Variants in ADGRG7 observed in about 807,000 individuals in gnomAD.
ADGRG7 encodes G-protein coupled receptor 128.
In ADGRG7, 82 loss-of-function variants were observed where a neutral mutation model predicts 88.6. That is an observed-to-expected ratio of 0.93 (90% CI 0.77 to 1.11). ADGRG7 has a LOEUF of 1.11. ADGRG7 is among the 50% of genes most tolerant of loss of function. The pLI is 0.00. For missense variants in ADGRG7, 945 were observed against 953.4 expected, an observed-to-expected ratio of 0.99 and a Z score of 0.12; for synonymous variants, 381 against 345.2, an observed-to-expected ratio of 1.10 and a Z score of -1.15.
chr3:100,673,467 C>CTT (rs34998185), intron 15 of ADGRG7, among the ~76,000 whole-genome samples: 17 of 136,698 alleles, frequency 1.2e-4, no homozygotes, highest in Non-Finnish European at 1.6e-4. Flanking sequence ...TTTTCTTCTT[C>CTT]TTTTTTTTTT....
intron 6 of ADGRG7, among the ~76,000 whole-genome samples, chr3:100,642,719 A>G (rs184209957): frequency 1.5e-3 from 233 of 152,370 alleles, no homozygotes; most frequent in African/African-American, 5.1e-3. Context: ...CAAAGTAGAA[A>G]AGAACATTGT....
At chr3:100,645,763 C>T (rs1030798022) in intron 8 of ADGRG7, among the ~76,000 whole-genome samples, 182 bp from the exon 9 acceptor site, 1 of 151,952 alleles carries the variant, frequency 6.6e-6, no homozygotes, top group South Asian at 2.1e-4. Flanking sequence ...GTGGAATGGC[C>T]CGCCATAGGT....
intron 4 of ADGRG7, among the ~76,000 whole-genome samples, chr3:100,634,829 C>T (rs1252517337): frequency 6.6e-6 from 1 of 152,188 alleles, no homozygotes; most frequent in Non-Finnish European, 1.5e-5. Context: ...TGTGATAACA[C>T]CTGTAAACAT....
rs768615943 is a variant in ADGRG7, at chr3:100,669,054, T to TAG, written c.2086_2087dup (p.Ser696ArgfsTer41). On this transcript the variant is annotated frameshift_variant, in exon 15 of 16. Coordinates refer to ENST00000273352, the MANE Select transcript of ADGRG7 (RefSeq NM_032787.3). LOFTEE classifies it high-confidence loss of function. ...CATACCTGATGCTAGTTAATGATGA[T>TAG]AGCATCAGGATCGTCTTCAGCTACA... The TAG allele has an allele frequency of 1.6e-5, 26 of 1,604,244 alleles. No individual in the cohort carries two copies. Among genetic ancestry groups the TAG allele is most frequent in the Non-Finnish European group, 2.1e-5 (25 of 1,175,744 alleles).
chr3:100,618,854 G>A (rs1490432194), intron 1 of ADGRG7, among the ~76,000 whole-genome samples: 2 of 152,118 alleles, frequency 1.3e-5, no homozygotes, highest in African/African-American at 2.4e-5. Flanking sequence ...CATGAGCATG[G>A]AATGTTCTTC....
rs112823994 is a variant in ADGRG7, at chr3:100,623,751, T to G, written c.116-5847T>G. On this transcript the variant is annotated intron_variant, in intron 1 of 15. Transcript: ENST00000273352. Reference sequence around the variant, plus strand: ...GTGTGTGTTGTTCCCCTTCCTGTGTTCATGTGTTCTCATTGTTCAACTTCC... The same window carrying G: ...GTGTGTGTTGTTCCCCTTCCTGTGTGCATGTGTTCTCATTGTTCAACTTCC... Among the ~76,000 whole-genome samples the G allele has an allele frequency of 5.3e-3, 808 of 151,890 alleles. 6 individuals are homozygous for G. The highest frequency in any genetic ancestry group is 0.019 in the African/African-American group (770 of 41,438).
At chr3:100,649,671 T>C in intron 10 of ADGRG7, 24 bp from the exon 11 acceptor site, 2 of 1,294,746 alleles carry the variant, frequency 1.5e-6, no homozygotes, top group Non-Finnish European at 2.2e-6. Flanking sequence ...TAATTAAAAA[T>C]ATGAGTCTTA....
intron 1 of ADGRG7, among the ~76,000 whole-genome samples, chr3:100,615,144 A>G (rs991883333): frequency 6.6e-6 from 1 of 152,198 alleles, no homozygotes; most frequent in Non-Finnish European, 1.5e-5. Flanking sequence ...TGAGTCTAGC[A>G]CCTGCTCTGC....
intron 15 of ADGRG7, among the ~76,000 whole-genome samples, chr3:100,675,353 A>G (rs777528066): frequency 6.6e-6 from 1 of 152,214 alleles, no homozygotes; most frequent in African/African-American, 2.4e-5. Context: ...TGAAACAATC[A>G]TGTGGGTTTT....
chr3:100,694,883 T>C lies in ADGRG7; in HGVS notation c.2276T>C (p.Met759Thr). The change falls in exon 16 of 16, where the codon ATG becomes ACG. Residue 759 changes from methionine (M) to threonine (T), a missense_variant. By Grantham distance (81) the Met-to-Thr change is moderately conservative (BLOSUM62 -1). Transcript: ENST00000273352. ...ACGCGGCCGAGGCTGCGTGTAAAGA[T>C]GTATAATTTCCTCAGGTCATTGCCA... ...SVTRPRLRVK[M>T]YNFLRSLPTL... 6.2e-6 allele frequency: 10 copies of C among 1,614,218 alleles called. No individual in the cohort carries two copies. Among genetic ancestry groups the C allele is most frequent in the Non-Finnish European group, 8.5e-6 (10 of 1,180,038 alleles).
At chr3:100,652,820 T>C (rs1336237915) in intron 11 of ADGRG7, among the ~76,000 whole-genome samples, 1 of 151,828 alleles carries the variant, frequency 6.6e-6, no homozygotes, top group Admixed American at 6.6e-5. Context: ...TACTGCCTTC[T>C]GAAAATTGCT....
At chr3:100,625,661 G>A in intron 1 of ADGRG7, among the ~76,000 whole-genome samples, 1 of 152,128 alleles carries the variant, frequency 6.6e-6, no homozygotes, top group Non-Finnish European at 1.5e-5. Context: ...ATTGGCTGTG[G>A]TTTTATCATA....
At chr3:100,619,721 G>A (rs1707280141) in intron 1 of ADGRG7, among the ~76,000 whole-genome samples, 1 of 151,926 alleles carries the variant, frequency 6.6e-6, no homozygotes, top group Non-Finnish European at 1.5e-5. Context: ...AATGATAAAG[G>A]GGATATCACC....
chr3:100,649,938 C>A, intron 11 of ADGRG7, 131 bp downstream of exon 11: 1 of 478,844 alleles, frequency 2.1e-6, no homozygotes, highest in Non-Finnish European at 3.7e-6. Context: ...CAGAGGAGGA[C>A]ATTTAGGCCT....
At chr3:100,630,945 GA>G (rs575464845) in intron 3 of ADGRG7, 136 bp downstream of exon 3, 4 of 401,692 alleles carry the variant, frequency 1.0e-5, no homozygotes, top group Non-Finnish European at 1.8e-5. Context: ...TCCCTTTCGT[GA>G]TGCTAATGTT....
At chr3:100,694,013 C>T (rs1454058304) in intron 15 of ADGRG7, among the ~76,000 whole-genome samples, 2 of 152,188 alleles carry the variant, frequency 1.3e-5, no homozygotes, top group Non-Finnish European at 2.9e-5. Context: ...TTCCAGACTC[C>T]ACTGAGTACT....
intron 8 of ADGRG7, among the ~76,000 whole-genome samples, chr3:100,643,938 T>C (rs1707692098): frequency 6.6e-6 from 1 of 152,254 alleles, no homozygotes; most frequent in African/African-American, 2.4e-5. Flanking sequence ...GTTTTACACT[T>C]ACAAATTTAA....
At chr3:100,658,703 C>G (rs890559240) in intron 13 of ADGRG7, among the ~76,000 whole-genome samples, 2 of 152,256 alleles carry the variant, frequency 1.3e-5, no homozygotes, top group South Asian at 4.1e-4. Context: ...AAATAAAACA[C>G]CCCTCCCCTC....
intron 11 of ADGRG7, 159 bp from the exon 12 acceptor site, chr3:100,654,676 G>A (rs1353016052): frequency 7.2e-6 from 4 of 554,408 alleles, no homozygotes; most frequent in Non-Finnish European, 9.5e-6. Context: ...GTTTTCTGAT[G>A]TAATCGAGAA....
Sources: allele counts gnomAD v4.1 joint callset (sites outside exome capture counted in the v4.1 genomes callset), GRCh38; gene constraint gnomAD v4.1.1; transcripts MANE v1.5; gene names NCBI Gene and HGNC (gene_info 2026-07-23, HGNC 2026-07-21).